Variants in WDR76 observed in about 807,000 individuals in gnomAD.
WDR76 encodes the protein WD repeat domain 76, also known as WD repeat-containing protein 76.
In WDR76, 52 loss-of-function variants were observed where a neutral mutation model predicts 70.2. The observed-to-expected ratio is 0.74, with a 90% confidence interval of 0.59 to 0.93. The LOEUF is 0.93. WDR76 is among the 40% of genes least tolerant of loss of function. The probability of loss-of-function intolerance (pLI) is 0.00; values close to 1 mark genes in which losing one functional copy is unlikely to be tolerated. For missense variants in WDR76, 756 were observed against 760.2 expected (o/e 0.99, Z 0.07); for synonymous variants, 292 against 271.1 (o/e 1.08, Z -0.76).
At chr15:43,828,763 T>G (rs1343738108) in intron 2 of WDR76, among the ~76,000 whole-genome samples, 2 of 152,190 alleles carry the variant, frequency 1.3e-5, no homozygotes, top group African/African-American at 4.8e-5. Flanking sequence ...TAGGGAAACA[T>G]AAATTGATTC....
At chr15:43,827,734 A>AAT (rs2087534314) in intron 1 of WDR76, among the ~76,000 whole-genome samples, 1 of 152,032 alleles carries the variant, frequency 6.6e-6, no homozygotes, top group African/African-American at 2.4e-5. Flanking sequence ...TAGTAGAGAC[A>AAT]GGTGGTTTCA....
intron 2 of WDR76, among the ~76,000 whole-genome samples, chr15:43,830,534 C>T (rs896704269): frequency 2.6e-4 from 38 of 148,546 alleles, no homozygotes; most frequent in African/African-American, 9.5e-4. Flanking sequence ...TGCACTCCAG[C>T]CTGGGCAACA....
In WDR76 at chr15:43,858,601, T is replaced by C. The variant is rs924185975; in HGVS notation, c.1410-70T>C. On this transcript the variant is annotated intron_variant, in intron 10 of 12. Transcript: ENST00000263795. ...AGCAAGTATGTGAGTGTCTAACTTA[T>C]GTTTAGCCCTGTTGTAGAGGTTCAT... 37 of 1,554,738 alleles carry C rather than the reference T, an allele frequency of 2.4e-5. No individual in the cohort carries two copies. The African/African-American group carries it at 3.0e-4, about 13-fold the overall frequency.
intron 2 of WDR76, among the ~76,000 whole-genome samples, chr15:43,830,978 G>A (rs557520767): frequency 1.3e-5 from 2 of 151,898 alleles, no homozygotes; most frequent in Non-Finnish European, 1.5e-5. Flanking sequence ...AACTGAGGAG[G>A]TAGAGGTTGC....
chr15:43,862,669 C>T (rs923616866), intron 12 of WDR76, among the ~76,000 whole-genome samples: 19 of 151,480 alleles, frequency 1.3e-4, no homozygotes, highest in Middle Eastern at 3.2e-3. Context: ...CCACCATGCC[C>T]GGCGAATTTT....
At chr15:43,850,530 C>G (rs377025408) in intron 8 of WDR76, among the ~76,000 whole-genome samples, 2 of 151,832 alleles carry the variant, frequency 1.3e-5, no homozygotes, top group African/African-American at 4.8e-5. Context: ...CTCCTGACCT[C>G]GTGATCCGCC....
intron 9 of WDR76, among the ~76,000 whole-genome samples, chr15:43,854,059 T>C (rs947457536): frequency 7.2e-5 from 11 of 152,178 alleles, no homozygotes; most frequent in South Asian, 2.1e-4. Flanking sequence ...TAATAAGTGT[T>C]GACAATGATG....
rs774786212 is a variant in WDR76, at chr15:43,861,366, T to TC, written c.1598dup (p.Leu534AlafsTer25). The TC allele has an allele frequency of 6.2e-7, 1 of 1,614,074 alleles. No individual in the cohort carries two copies. The highest frequency in any genetic ancestry group is 8.5e-7 in the Non-Finnish European group (1 of 1,179,964). ...ACAGCAGCTGTATATCTTCTAAGAT[T>TC]CCGCTCCTCACCACCATCAGGTAGG... On this transcript the variant is annotated frameshift_variant, in exon 12 of 13. Coordinates refer to ENST00000263795, the MANE Select transcript of WDR76 (RefSeq NM_024908.4). LOFTEE classifies it high-confidence loss of function.
chr15:43,844,860 G>GGAT (rs1371128305), intron 8 of WDR76, among the ~76,000 whole-genome samples: 1 of 137,300 alleles, frequency 7.3e-6, no homozygotes, highest in Non-Finnish European at 1.6e-5. Flanking sequence ...CCTGGGAGGG[G>GGAT]GAGCTTGCAG....
At position 43,866,618 on chromosome 15, in the gene WDR76, A is replaced by G. The variant is rs2088075189; in HGVS notation, c.*226A>G. On this transcript the variant is annotated 3_prime_UTR_variant, in exon 13 of 13. Coordinates refer to ENST00000263795, the MANE Select transcript of WDR76 (RefSeq NM_024908.4). Reference sequence around the variant, plus strand: ...TTTGAGGGGAGGCTGAGGTGCCGTCAGGACTTTTTTTTTTTTTTTTTTTTT... The same window carrying G: ...TTTGAGGGGAGGCTGAGGTGCCGTCGGGACTTTTTTTTTTTTTTTTTTTTT... The G allele has an allele frequency of 1.8e-5, 7 of 380,440 alleles. 1 individual carries two copies. Among genetic ancestry groups the G allele is most frequent in the Non-Finnish European group, 2.3e-5 (5 of 221,716 alleles). The allele number at this position is 380,440 out of a possible 1,614,324, so 23.6% of individuals were successfully genotyped here.
intron 5 of WDR76, among the ~76,000 whole-genome samples, chr15:43,840,639 G>A (rs1567185031): frequency 6.6e-6 from 1 of 152,166 alleles, no homozygotes; most frequent in Non-Finnish European, 1.5e-5. Context: ...ATGGGAAGCA[G>A]CATAGAAGAG....
intron 12 of WDR76, among the ~76,000 whole-genome samples, chr15:43,863,466 T>C (rs1216608806): frequency 6.6e-6 from 1 of 152,072 alleles, no homozygotes; most frequent in Admixed American, 6.6e-5. Flanking sequence ...CTTGAATGTA[T>C]TTCTCCTATT....
chr15:43,829,682 A>G (rs748338584), intron 2 of WDR76, among the ~76,000 whole-genome samples: 5 of 150,478 alleles, frequency 3.3e-5, no homozygotes, highest in Non-Finnish European at 4.4e-5. Flanking sequence ...AATTTTTTAT[A>G]TTTTCAGTAG....
chr15:43,863,073 C>T (rs1469701514), intron 12 of WDR76, among the ~76,000 whole-genome samples: 1 of 152,142 alleles, frequency 6.6e-6, no homozygotes, highest in Non-Finnish European at 1.5e-5. Flanking sequence ...GTAGCTGGGA[C>T]TACAGGCATG....
At chr15:43,842,380 G>A in intron 5 of WDR76, 35 bp from the exon 6 acceptor site, 8 of 1,590,648 alleles carry the variant, frequency 5.0e-6, no homozygotes, top group Non-Finnish European at 6.9e-6. Flanking sequence ...CTAGGGCAGG[G>A]AGCCCAACAA....
intron 3 of WDR76, among the ~76,000 whole-genome samples, chr15:43,835,660 CT>C (rs67060323): frequency 0.054 from 7,538 of 140,596 alleles, 193 homozygotes; most frequent in East Asian, 0.11. Context: ...TTTTTTTTGT[CT>C]TTTTTTTTTT....
Position 43,839,644 on chromosome 15 carries a change from G to C in WDR76, c.648G>C (p.Arg216Ser). Residue 216 changes from arginine to serine, a missense_variant, in exon 5 of 13, where the codon AGG becomes AGC. Coordinates refer to ENST00000263795, the MANE Select transcript of WDR76 (RefSeq NM_024908.4). ...PKRENGIGCR[R>S]SMRLLKVDPS... ...GAGAAAATGGGATTGGATGTAGAAG[G>C]TCAATGCGATTACTAAAAGTTGATC... The C allele has an allele frequency of 6.2e-7, 1 of 1,612,682 alleles. No homozygotes were observed. The highest frequency in any genetic ancestry group is 8.5e-7 in the Non-Finnish European group (1 of 1,179,152).
At chr15:43,848,547 A>C (rs969858204) in intron 8 of WDR76, among the ~76,000 whole-genome samples, 2 of 152,230 alleles carry the variant, frequency 1.3e-5, no homozygotes, top group Non-Finnish European at 2.9e-5. Context: ...AGGGACAGTG[A>C]GTAGTAGAAC....
At chr15:43,856,748 GA>G (rs1293305751) in intron 9 of WDR76, among the ~76,000 whole-genome samples, 197 bp from the exon 10 acceptor site, 2 of 151,996 alleles carry the variant, frequency 1.3e-5, no homozygotes, top group African/African-American at 4.8e-5. Context: ...ACATAGAAAT[GA>G]TAAATATTGA....
Sources: allele counts gnomAD v4.1 joint callset (sites outside exome capture counted in the v4.1 genomes callset), GRCh38; gene constraint gnomAD v4.1.1; transcripts MANE v1.5; gene names NCBI Gene and HGNC (gene_info 2026-07-23, HGNC 2026-07-21).